Variants in MAP4K3 observed in about 807,000 individuals in gnomAD.
The protein encoded by MAP4K3 is MAPK/ERK kinase kinase kinase 3.
MAP4K3 carries 94 observed loss-of-function variants against 143.5 expected under a neutral mutation model. That is an observed-to-expected ratio of 0.65 (90% CI 0.55 to 0.78). The LOEUF is 0.78. MAP4K3 is among the 30% of genes least tolerant of loss of function. The pLI is 0.00. For synonymous variants in MAP4K3, 416 were observed against 347.2 expected (o/e 1.20, Z -2.20); for missense variants, 1,077 against 1,068.1 (o/e 1.01, Z -0.12).
At chr2:39,279,117 C>T (rs1681399588) in intron 23 of MAP4K3, among the ~76,000 whole-genome samples, 1 of 152,060 alleles carries the variant, frequency 6.6e-6, no homozygotes, top group African/African-American at 2.4e-5. Flanking sequence ...AAGGAAAGAA[C>T]ACTTCCAAGA....
chr2:39,406,136 G>A (rs1353824454), intron 1 of MAP4K3, among the ~76,000 whole-genome samples: 2 of 151,916 alleles, frequency 1.3e-5, no homozygotes, highest in East Asian at 1.9e-4. Flanking sequence ...TAGCAAAACT[G>A]ATCAAGCAGA....
At chr2:39,326,640 G>C (rs969966129) in intron 8 of MAP4K3, among the ~76,000 whole-genome samples, 7 of 152,152 alleles carry the variant, frequency 4.6e-5, no homozygotes, top group African/African-American at 1.7e-4. Flanking sequence ...TGCAATTTGG[G>C]GGGTGGGCAG....
chr2:39,267,111 G>A (rs1558609809), intron 27 of MAP4K3, 78 bp downstream of exon 27: 2 of 1,314,946 alleles, frequency 1.5e-6, no homozygotes, highest in Non-Finnish European at 2.2e-6. Flanking sequence ...CTGGCAGAAT[G>A]CCCTGGGGTA....
At chr2:39,360,664 G>A (rs115873706) in intron 2 of MAP4K3, among the ~76,000 whole-genome samples, 4,986 of 152,262 alleles carry the variant, frequency 0.033, 101 homozygotes, top group African/African-American at 0.053. Context: ...CATGGCTGGG[G>A]AGGGCTCAGT....
intron 24 of MAP4K3, 32 bp downstream of exon 24, chr2:39,278,375 T>TAA (rs772481553): frequency 4.8e-5 from 53 of 1,101,804 alleles, no homozygotes; most frequent in African/African-American, 1.0e-4. Flanking sequence ...ACTTAAAAAT[T>TAA]AAAAAAAAAA....
At chr2:39,275,599 G>A (rs1027748070) in intron 24 of MAP4K3, among the ~76,000 whole-genome samples, 5 of 151,902 alleles carry the variant, frequency 3.3e-5, no homozygotes, top group Non-Finnish European at 4.4e-5. Flanking sequence ...ATTATTTTTG[G>A]ATATCTCATT....
intron 2 of MAP4K3, among the ~76,000 whole-genome samples, chr2:39,367,622 A>G (rs1447323205): frequency 3.3e-5 from 5 of 152,042 alleles, no homozygotes; most frequent in African/African-American, 1.2e-4. Flanking sequence ...GTCTTACTCT[A>G]GAGCTGGGCA....
intron 1 of MAP4K3, chr2:39,379,894 T>C (rs894092046): frequency 6.1e-6 from 1 of 164,590 alleles, no homozygotes; most frequent in African/African-American, 2.4e-5. Context: ...TTACACAGTG[T>C]TTGTCCAAAA....
chr2:39,273,003 A>G (rs1222762881), intron 24 of MAP4K3, among the ~76,000 whole-genome samples: 1 of 152,048 alleles, frequency 6.6e-6, no homozygotes, highest in Admixed American at 6.6e-5. Context: ...AACACTAGGT[A>G]TGGAGGGAAA....
chr2:39,401,810 C>A (rs951895195), intron 1 of MAP4K3, among the ~76,000 whole-genome samples: 2 of 151,944 alleles, frequency 1.3e-5, no homozygotes, highest in Non-Finnish European at 2.9e-5. Flanking sequence ...TCAGAAAAAA[C>A]AAATAAATAC....
intron 1 of MAP4K3, among the ~76,000 whole-genome samples, chr2:39,419,103 T>C (rs1030184186): frequency 1.3e-5 from 2 of 152,142 alleles, no homozygotes; most frequent in East Asian, 1.9e-4. Flanking sequence ...AAAAATCTTA[T>C]ATAGTAAGTG....
At chr2:39,411,693 T>C (rs1667236680) in intron 1 of MAP4K3, among the ~76,000 whole-genome samples, 1 of 152,216 alleles carries the variant, frequency 6.6e-6, no homozygotes, top group Non-Finnish European at 1.5e-5. Flanking sequence ...TGTCAAGTAC[T>C]TTCATGAGCA....
At chr2:39,413,800 G>A (rs963106789) in intron 1 of MAP4K3, among the ~76,000 whole-genome samples, 4 of 151,664 alleles carry the variant, frequency 2.6e-5, no homozygotes, top group Non-Finnish European at 4.4e-5. Flanking sequence ...TAGGTGCTAA[G>A]AACCTCTTAA....
intron 15 of MAP4K3, among the ~76,000 whole-genome samples, chr2:39,306,769 G>T (rs568672850): frequency 6.6e-6 from 1 of 152,250 alleles, no homozygotes; most frequent in East Asian, 1.9e-4. Context: ...TTTTCTTCCT[G>T]AAGAATCTAC....
chr2:39,349,831 AT>A (rs946270139), intron 3 of MAP4K3, among the ~76,000 whole-genome samples: 1 of 152,162 alleles, frequency 6.6e-6, no homozygotes, highest in African/African-American at 2.4e-5. Flanking sequence ...TACCCAGATT[AT>A]TTTTTCAATA....
At chr2:39,418,694 C>A (rs533019932) in intron 1 of MAP4K3, among the ~76,000 whole-genome samples, 1 of 152,090 alleles carries the variant, frequency 6.6e-6, no homozygotes, top group Non-Finnish European at 1.5e-5. Context: ...ATACTTCATT[C>A]TCCCTAGAAT....
At chr2:39,371,106 A>G (rs1222317309) in intron 2 of MAP4K3, among the ~76,000 whole-genome samples, 1 of 152,194 alleles carries the variant, frequency 6.6e-6, no homozygotes, top group African/African-American at 2.4e-5. Context: ...TCATCTGACA[A>G]ATTCAGGTTT....
intron 7 of MAP4K3, 43 bp from the exon 8 acceptor site, chr2:39,332,032 T>A (rs1249723456): frequency 8.7e-7 from 1 of 1,154,060 alleles, no homozygotes. Context: ...TGAGAGAAAA[T>A]AAAATTGTTT....
At position 39,307,818 on chromosome 2, in the gene MAP4K3, T is replaced by C. The variant is rs1025804019; in HGVS notation, c.1119+125A>G. The C allele has an allele frequency of 1.8e-5, 11 of 595,802 alleles. No individual in the cohort carries two copies. The South Asian group carries it at 3.3e-4, about 18-fold the overall frequency. The allele number at this position is 595,802 out of a possible 1,614,324, so 36.9% of individuals were successfully genotyped here. The stretch of plus-strand genomic sequence containing the variant: ...AAAAACTGCTACAATTCTTAATATA[T>C]AGAAGTTTGCTAAATGATAGCAACT... On this transcript the variant is annotated intron_variant, in intron 15 of 33. Transcript: ENST00000263881.
Sources: allele counts gnomAD v4.1 joint callset (sites outside exome capture counted in the v4.1 genomes callset), GRCh38; gene constraint gnomAD v4.1.1; transcripts MANE v1.5; gene names NCBI Gene and HGNC (gene_info 2026-07-23, HGNC 2026-07-21).